The following TLE3 variants were observed in gnomAD, a reference collection of about 807,000 sequenced individuals.
TLE3 encodes the protein transducin-like enhancer protein 3.
TLE3 carries 14 observed loss-of-function variants against 93.0 expected under a neutral mutation model. The observed-to-expected ratio is 0.15, with a 90% CI of 0.10 to 0.24. The LOEUF is 0.24. Ranked by LOEUF, TLE3 falls within the 10% of genes least tolerant of loss-of-function variation. The pLI is 1.00. For synonymous variants in TLE3, 451 were observed against 425.0 expected (o/e 1.06, Z -0.75); for missense variants, 693 against 1,046.6 (o/e 0.66, Z 4.66).
chr15:70,071,659 C>T (rs1595930248), intron 6 of TLE3, among the ~76,000 whole-genome samples: 3 of 152,166 alleles, frequency 2.0e-5, no homozygotes, highest in African/African-American at 7.2e-5. Context: ...CCTGGAGGAA[C>T]AAAGTGACTT....
intron 2 of TLE3, chr15:70,095,878 G>A: frequency 1.6e-6 from 1 of 626,450 alleles, no homozygotes; most frequent in Non-Finnish European, 2.7e-6. Flanking sequence ...CAGGGGAGTA[G>A]GACCCTGACG....
At chr15:70,082,859 C>G (rs1198663697) in intron 4 of TLE3, among the ~76,000 whole-genome samples, 1 of 152,192 alleles carries the variant, frequency 6.6e-6, no homozygotes, top group Non-Finnish European at 1.5e-5. Flanking sequence ...TAGGACCGAT[C>G]AACGGCAAGG....
intron 6 of TLE3, among the ~76,000 whole-genome samples, chr15:70,069,118 CTG>C (rs1226829313): frequency 7.2e-5 from 11 of 152,242 alleles, no homozygotes; most frequent in Admixed American, 6.5e-4. Context: ...GAAACAGAGA[CTG>C]TGTCTTCTCC....
chr15:70,055,648 G>A (rs563243477), intron 14 of TLE3: 7 of 242,088 alleles, frequency 2.9e-5, no homozygotes, highest in East Asian at 1.7e-4. Context: ...TTTAGGAGCC[G>A]GTGGTATTAG....
At chr15:70,060,832 G>C (rs1366277805) in intron 8 of TLE3, 183 bp from the exon 9 acceptor site, 2 of 946,204 alleles carry the variant, frequency 2.1e-6, no homozygotes, top group Non-Finnish European at 3.2e-6. Context: ...CCACTCCCCT[G>C]AGACTGAGTC....
intron 6 of TLE3, among the ~76,000 whole-genome samples, chr15:70,069,512 G>A (rs2057016185): frequency 6.6e-6 from 1 of 152,262 alleles, no homozygotes; most frequent in Admixed American, 6.5e-5. Context: ...TTGCAAAAGA[G>A]AAAAGGAATC....
intron 4 of TLE3, among the ~76,000 whole-genome samples, chr15:70,079,184 A>G (rs2057614661): frequency 6.6e-6 from 1 of 151,896 alleles, no homozygotes; most frequent in Non-Finnish European, 1.5e-5. Context: ...CCTGCCTCCC[A>G]ACACCACAAA....
intron 4 of TLE3, among the ~76,000 whole-genome samples, chr15:70,078,239 T>C (rs1360117827): frequency 6.6e-6 from 1 of 152,136 alleles, no homozygotes; most frequent in Admixed American, 6.5e-5. Flanking sequence ...ATAGTAGGAA[T>C]GGGGAATGAA....
rs2055866871 is a variant in TLE3, at chr15:70,054,780, C to G, written c.1579-95G>C. 1.6e-5 allele frequency: 23 copies of G among 1,431,930 alleles called. No individual in the cohort carries two copies. The East Asian group carries it at 5.5e-4, about 34-fold the overall frequency. 88.7% of individuals were successfully genotyped at this position (1,431,930 alleles called of 1,614,324 possible). A position where few individuals can be genotyped will look rare whatever the true frequency, so the allele number is the denominator to read the frequency against. ...GCAACACCGAGCACCCTCACCAGTCCTGCTTACAGCCTCCCCCTATACCCA... is the reference window on the plus strand; with the variant it reads ...GCAACACCGAGCACCCTCACCAGTCGTGCTTACAGCCTCCCCCTATACCCA... On this transcript the variant is annotated intron_variant, in intron 15 of 19. Coordinates refer to ENST00000451782, the MANE Select transcript of TLE3 (RefSeq NM_001105192.3).
At chr15:70,054,735 C>A (rs757338578) in intron 15 of TLE3, 50 bp from the exon 16 acceptor site, 4 of 1,507,396 alleles carry the variant, frequency 2.7e-6, no homozygotes, top group Non-Finnish European at 1.8e-6. Context: ...CCCTCCTGGG[C>A]ACCAGGAGAG....
chr15:70,097,771 A>ACACACCCAACACACACACACGCGCGCACG lies in TLE3; in HGVS notation c.-1002_-974dup. On this transcript the variant is annotated 5_prime_UTR_variant, in exon 1 of 20. Transcript: ENST00000451782. ...GCGCCCCGGCAAACCCCCAAAACACACACACCCAACACACACACACGCGCG... is the reference window on the plus strand; with the variant it reads ...GCGCCCCGGCAAACCCCCAAAACACACACACCCAACACACACACACGCGCGCACGCACACCCAACACACACACACGCGCG... 1 of 389,232 alleles carries ACACACCCAACACACACACACGCGCGCACG rather than the reference A, an allele frequency of 2.6e-6. No homozygotes were observed. The highest frequency in any genetic ancestry group is 4.5e-6 in the Non-Finnish European group (1 of 220,630). 24.1% of individuals were successfully genotyped at this position (389,232 alleles called of 1,614,324 possible).
At chr15:70,054,782 G>GCT in intron 15 of TLE3, 97 bp from the exon 16 acceptor site, 1 of 1,427,172 alleles carries the variant, frequency 7.0e-7, no homozygotes, top group Non-Finnish European at 9.3e-7. Context: ...CACCAGTCCT[G>GCT]CTTACAGCCT....
chr15:70,079,756 C>T (rs1443751203), intron 4 of TLE3, among the ~76,000 whole-genome samples: 2 of 152,012 alleles, frequency 1.3e-5, no homozygotes, highest in African/African-American at 4.8e-5. Flanking sequence ...CTCCTAACAA[C>T]AGTAATGACC....
At chr15:70,060,812 G>A (rs542889239) in intron 8 of TLE3, 163 bp from the exon 9 acceptor site, 1 of 1,264,996 alleles carries the variant, frequency 7.9e-7, no homozygotes, top group Admixed American at 2.0e-5. Context: ...CCTTGCCAGG[G>A]AAGCCTTCCC....
chr15:70,093,534 T>C (rs1364370095), intron 4 of TLE3, among the ~76,000 whole-genome samples: 3 of 152,236 alleles, frequency 2.0e-5, no homozygotes, highest in South Asian at 2.1e-4. Flanking sequence ...TGAGATTTCA[T>C]GAACACCAAT....
Position 70,056,394 on chromosome 15 carries a change from A to G in TLE3, c.1252-20T>C. ...ACCAACCTGTAAAGCAAGGCAAGACAGCCCTCCATCAGCCGTGCTGCCACA... is the reference window on the plus strand; with the variant it reads ...ACCAACCTGTAAAGCAAGGCAAGACGGCCCTCCATCAGCCGTGCTGCCACA... On this transcript the variant is annotated intron_variant, in intron 13 of 19. Transcript: ENST00000451782. 1 of 1,608,050 alleles carries G rather than the reference A, an allele frequency of 6.2e-7. No individual in the cohort carries two copies. The highest frequency in any genetic ancestry group is 1.1e-5 in the South Asian group (1 of 90,882).
chr15:70,083,409 G>A (rs76112397), intron 4 of TLE3, among the ~76,000 whole-genome samples: 5 of 152,186 alleles, frequency 3.3e-5, no homozygotes, highest in Admixed American at 1.3e-4. Flanking sequence ...CCCTACTTGT[G>A]GGGGGAGATG....
At chr15:70,065,954 C>A in intron 7 of TLE3, 60 bp downstream of exon 7, 1 of 1,483,168 alleles carries the variant, frequency 6.7e-7, no homozygotes, top group Non-Finnish European at 9.3e-7. Flanking sequence ...CACTGTGAGG[C>A]CTATGAGCGC....
intron 4 of TLE3, among the ~76,000 whole-genome samples, chr15:70,089,617 C>T (rs2058208035): frequency 6.6e-6 from 1 of 152,206 alleles, no homozygotes; most frequent in African/African-American, 2.4e-5. Flanking sequence ...CTATTACATA[C>T]TAAGTGCTAT....
Sources: allele counts gnomAD v4.1 joint callset (sites outside exome capture counted in the v4.1 genomes callset), GRCh38; gene constraint gnomAD v4.1.1; transcripts MANE v1.5; gene names NCBI Gene and HGNC (gene_info 2026-07-23, HGNC 2026-07-21).